CHD8: variants seen among roughly 807,000 people sequenced by gnomAD.
The protein encoded by CHD8 is chromodomain helicase DNA binding protein 8.
CHD8 carries 31 observed loss-of-function variants against 279.2 expected under a neutral mutation model. That is an observed-to-expected ratio of 0.11 (90% CI 0.08 to 0.15). The LOEUF (loss-of-function observed/expected upper bound fraction) is 0.15, where lower values mean the gene tolerates loss of function less well. Among genes scored for constraint, CHD8 ranks in the 10% least tolerant of loss-of-function variants. The pLI is 1.00. For synonymous variants in CHD8, 1,081 were observed against 1,139.6 expected, an observed-to-expected ratio of 0.95 and a Z score of 1.04; for missense variants, 2,146 against 3,230.5, an observed-to-expected ratio of 0.66 and a Z score of 8.14.
chr14:21,426,175 C>T lies in CHD8; in HGVS notation c.1669G>A (p.Val557Ile). ...NTSSDNSDVE[V>I]MPAQSPREDE... is the part of the protein sequence containing the mutation. The stretch of plus-strand genomic sequence containing the variant: ...TCTCGAGGTGACTGTGCAGGCATGA[C>T]TTCCACATCTGAATTATCAGATGAG... The change falls in exon 5 of 38, where the codon GTC (valine) becomes ATC (isoleucine). Residue 557 changes from valine to isoleucine, a missense_variant. Around this residue, in one of 26 missense-constraint regions of CHD8, gnomAD observed 123 missense variants for 169.2 expected, o/e 0.73. Transcript: ENST00000646647. 6.2e-7 allele frequency: 1 copy of T among 1,612,728 alleles called. No individual in the cohort carries two copies. Among genetic ancestry groups the T allele is most frequent in the Non-Finnish European group, 8.5e-7 (1 of 1,178,928 alleles).
intron 33 of CHD8, 80 bp from the exon 34 acceptor site, chr14:21,392,889 C>T (rs1467581630): frequency 7.0e-7 from 1 of 1,420,276 alleles, no homozygotes; most frequent in Non-Finnish European, 9.8e-7. Context: ...ATAGTGCCAT[C>T]ACTACCAGGA....
At chr14:21,397,443 C>T (rs751974919) in intron 27 of CHD8, 56 of 491,520 alleles carry the variant, frequency 1.1e-4, no homozygotes, top group Non-Finnish European at 1.1e-4. Flanking sequence ...TGTCAGGTAC[C>T]ATTGGGAGAT....
chr14:21,436,198 C>A (rs759748579), intron 1 of CHD8, among the ~76,000 whole-genome samples: 6 of 152,166 alleles, frequency 3.9e-5, no homozygotes, highest in Non-Finnish European at 8.8e-5. Flanking sequence ...ATTTTATTTA[C>A]TTCAAAGAAC....
chr14:21,388,630 TAG>T (rs1887387449), intron 37 of CHD8, among the ~76,000 whole-genome samples: 2 of 152,148 alleles, frequency 1.3e-5, no homozygotes, highest in Non-Finnish European at 2.9e-5. Flanking sequence ...TAGCTGATAC[TAG>T]AGGACTGCAC....
intron 21 of CHD8, 111 bp downstream of exon 21, chr14:21,401,292 C>G: frequency 2.6e-6 from 2 of 780,018 alleles, no homozygotes; most frequent in Non-Finnish European, 4.0e-6. Flanking sequence ...CCCTTGTATA[C>G]AATACACCAT....
At position 21,431,631 on chromosome 14, in the gene CHD8, T is replaced by A; in HGVS notation, c.13A>T (p.Ile5Phe). The A allele has an allele frequency of 6.5e-7, 1 of 1,540,316 alleles. No individual in the cohort carries two copies. The highest frequency in any genetic ancestry group is 8.7e-7 in the Non-Finnish European group (1 of 1,147,328). Residue 5 changes from isoleucine (I) to phenylalanine (F), a missense_variant, in exon 2 of 38, where the codon ATC (isoleucine) becomes TTC (phenylalanine). Physicochemically the swap from Ile to Phe is conservative, Grantham distance 21 (BLOSUM62 0). Coordinates refer to ENST00000646647, the MANE Select transcript of CHD8 (RefSeq NM_001170629.2). ...TTTGGGTCATCGAACAGATCCATGA[T>A]GGGGTCTGCCATCTTGGGAAAGTAA... The part of the protein sequence containing the change: MADP[I>F]MDLFDDPNLF...
In CHD8 at chr14:21,443,315, C is replaced by T. The variant is rs554310617; in HGVS notation, c.-215-11457G>A. Among the ~76,000 whole-genome samples, 794 of 151,848 alleles carry T rather than the reference C, an allele frequency of 5.2e-3. 3 individuals carry two copies. Among genetic ancestry groups the T allele is most frequent in the South Asian group, 9.2e-3 (44 of 4,800 alleles). On this transcript the variant is annotated intron_variant, in intron 1 of 37. Coordinates refer to ENST00000646647, the MANE Select transcript of CHD8 (RefSeq NM_001170629.2). The stretch of plus-strand genomic sequence containing the variant: ...CTGAGGCAGGAGAATGGCGTGAACC[C>T]GGGAGGTGGAGCTTGCAGTGAGCCG...
At chr14:21,433,403 G>C (rs1043729579) in intron 1 of CHD8, among the ~76,000 whole-genome samples, 2 of 152,176 alleles carry the variant, frequency 1.3e-5, no homozygotes, top group Non-Finnish European at 2.9e-5. Flanking sequence ...AGAAATATCT[G>C]TTCTTTGTAT....
chr14:21,445,620 C>A (rs1375932302), intron 1 of CHD8, among the ~76,000 whole-genome samples: 2 of 135,968 alleles, frequency 1.5e-5, no homozygotes. Context: ...ATCCAGTAGG[C>A]AGAGGCTGCA....
chr14:21,447,976 A>C (rs1467371490), intron 1 of CHD8, among the ~76,000 whole-genome samples: 1 of 152,218 alleles, frequency 6.6e-6, no homozygotes, highest in African/African-American at 2.4e-5. Flanking sequence ...GCGATCCAAC[A>C]TAAGTAACAA....
intron 7 of CHD8, 42 bp downstream of exon 7, chr14:21,415,532 A>G: frequency 9.8e-7 from 1 of 1,022,654 alleles, no homozygotes; most frequent in Non-Finnish European, 1.3e-6. Context: ...TAAATAAATA[A>G]ATAAATAAAT....
chr14:21,430,222 C>T (rs928071213), intron 2 of CHD8: 2 of 155,566 alleles, frequency 1.3e-5, no homozygotes, highest in African/African-American at 4.8e-5. Context: ...GACATTGTGC[C>T]TGGCTAGTCC....
At chr14:21,438,380 G>C (rs1036401822) in intron 1 of CHD8, among the ~76,000 whole-genome samples, 1 of 151,598 alleles carries the variant, frequency 6.6e-6, no homozygotes, top group African/African-American at 2.4e-5. Flanking sequence ...TTATTAAAAA[G>C]AGCAGTTTAG....
At chr14:21,435,840 G>C (rs1889759286) in intron 1 of CHD8, among the ~76,000 whole-genome samples, 1 of 152,146 alleles carries the variant, frequency 6.6e-6, no homozygotes, top group African/African-American at 2.4e-5. Flanking sequence ...GAGGAGTAGA[G>C]GGCAGAGAAA....
In CHD8 at chr14:21,436,077, C is replaced by G. The variant is rs548977964; in HGVS notation, c.-215-4219G>C. 9.2e-5 allele frequency among the ~76,000 whole-genome samples: 14 copies of G among 152,334 alleles called. No individual in the cohort carries two copies. The East Asian group carries it at 2.3e-3, about 25-fold the overall frequency. On this transcript the variant is annotated intron_variant, in intron 1 of 37. Coordinates refer to ENST00000646647, the MANE Select transcript of CHD8 (RefSeq NM_001170629.2). ...TGACAACCTCTTAGAAGACAATGAACGAATGCAGTATTGAGCCATGCTGAC... is the reference window on the plus strand; with the variant it reads ...TGACAACCTCTTAGAAGACAATGAAGGAATGCAGTATTGAGCCATGCTGAC...
chr14:21,412,192 A>G (rs1888527097), intron 10 of CHD8, among the ~76,000 whole-genome samples: 1 of 151,980 alleles, frequency 6.6e-6, no homozygotes, highest in Non-Finnish European at 1.5e-5. Flanking sequence ...TTGCCCAGGA[A>G]TGGAGTGCAA....
At position 21,392,547 on chromosome 14, in the gene CHD8, C is replaced by T. The variant is rs762371692; in HGVS notation, c.6731G>A (p.Arg2244Gln). The T allele has an allele frequency of 4.3e-6, 7 of 1,613,030 alleles. No homozygotes were observed. The highest frequency in any genetic ancestry group is 2.7e-5 in the African/African-American group (2 of 74,894). Residue 2244 changes from arginine (R) to glutamine (Q), a missense_variant, in exon 34 of 38, where the codon CGA (arginine) becomes CAA (glutamine). Transcript: ENST00000646647. ...TGTAAACTCCTTTTCATCCATGCCTCGGCGAAGTTTGGTGAACTGGGCTGC... is the reference window on the plus strand; with the variant it reads ...TGTAAACTCCTTTTCATCCATGCCTTGGCGAAGTTTGGTGAACTGGGCTGC... ...TAAAQFTKLRRGMDEKEFTVQ... is the reference protein window; with the variant it reads ...TAAAQFTKLRQGMDEKEFTVQ...
chr14:21,454,965 G>A (rs1047028476), intron 1 of CHD8: 1 of 152,194 alleles, frequency 6.6e-6, no homozygotes, highest in African/African-American at 2.4e-5. Flanking sequence ...TATGTAATGT[G>A]CCCCACACCA....
At chr14:21,392,186 A>G (rs1394627280) in intron 34 of CHD8, 2 of 758,514 alleles carry the variant, frequency 2.6e-6, no homozygotes, top group Non-Finnish European at 4.8e-6. Context: ...TTATTTCAAC[A>G]ACACCCAAGT....
Sources: gnomAD v4.1 joint callset for allele counts (sites outside exome capture counted in the v4.1 genomes callset) on GRCh38, gnomAD v4.1.1 for gene constraint, gnomAD v4.1.1 regional missense constraint, MANE v1.5 for transcripts, NCBI Gene and HGNC (gene_info 2026-07-23, HGNC 2026-07-21) for gene names.